The following TJP1 variants were observed in gnomAD, a reference collection of about 807,000 sequenced individuals.
TJP1 encodes tight junction protein 1.
A neutral mutation model predicts 194.2 loss-of-function variants in TJP1; 43 were observed. The observed-to-expected ratio is 0.22, with a 90% CI of 0.17 to 0.29. TJP1 has a LOEUF of 0.29. Ranked by LOEUF, TJP1 falls within the 10% of genes least tolerant of loss-of-function variation. The pLI is 1.00. For synonymous variants in TJP1, 801 were observed against 779.0 expected (o/e 1.03, Z -0.47); for missense variants, 1,971 against 2,185.7 (o/e 0.90, Z 1.96).
chr15:29,755,489 A>G (rs764351046), intron 8 of TJP1, among the ~76,000 whole-genome samples: 4 of 152,186 alleles, frequency 2.6e-5, no homozygotes, highest in East Asian at 1.9e-4. Flanking sequence ...AGAAAATTCA[A>G]TTTTACTGTC....
At chr15:29,954,821 C>T (rs1464217691) in intron 2 of TJP1, among the ~76,000 whole-genome samples, 3 of 152,170 alleles carry the variant, frequency 2.0e-5, no homozygotes, top group African/African-American at 7.2e-5. Flanking sequence ...TGGCTCACGC[C>T]TGTAATCCCA....
rs2043603241 is a variant in TJP1, at chr15:29,730,955, G to A, written c.2017+1478C>T. On this transcript the variant is annotated intron_variant, in intron 15 of 27. Coordinates refer to ENST00000614355, the MANE Select transcript of TJP1 (RefSeq NM_001330239.4). ...GAGATGCCAAAACAGACCAGGCACAGAAAGCTGAAGGTGCTGGAGATGCCA... is the reference window on the plus strand; with the variant it reads ...GAGATGCCAAAACAGACCAGGCACAAAAAGCTGAAGGTGCTGGAGATGCCA... 3 of 1,287,764 alleles carry A rather than the reference G, an allele frequency of 2.3e-6. No individual in the cohort carries two copies. The Admixed American group carries it at 5.0e-5, about 22-fold the overall frequency. 79.8% of individuals were successfully genotyped at this position (1,287,764 alleles called of 1,614,324 possible). A position where few individuals can be genotyped will look rare whatever the true frequency, so the allele number is the denominator to read the frequency against.
chr15:29,717,546 C>CA (rs2042640561), intron 22 of TJP1, among the ~76,000 whole-genome samples: 1 of 152,090 alleles, frequency 6.6e-6, no homozygotes, highest in Non-Finnish European at 1.5e-5. Context: ...CTCTCAGCCT[C>CA]AGTGTCTCTC....
intron 10 of TJP1, 175 bp downstream of exon 10, chr15:29,741,156 T>C: frequency 2.0e-6 from 1 of 507,830 alleles, no homozygotes; most frequent in Non-Finnish European, 3.4e-6. Context: ...TGTTGTCTAA[T>C]TTCTAACTCA....
At chr15:29,794,848 A>G (rs1015945926) in intron 2 of TJP1, among the ~76,000 whole-genome samples, 23 of 152,166 alleles carry the variant, frequency 1.5e-4, no homozygotes, top group African/African-American at 5.1e-4. Context: ...CAAGGTAAAC[A>G]AAAGGATGAA....
At chr15:29,783,285 AC>A (rs1181901806) in intron 2 of TJP1, among the ~76,000 whole-genome samples, 1 of 152,168 alleles carries the variant, frequency 6.6e-6, no homozygotes, top group Non-Finnish European at 1.5e-5. Context: ...AAAGAAACAA[AC>A]AAAAACACAA....
At chr15:29,806,651 G>C (rs1224283089) in intron 1 of TJP1, among the ~76,000 whole-genome samples, 1 of 152,134 alleles carries the variant, frequency 6.6e-6, no homozygotes, top group Admixed American at 6.6e-5. Flanking sequence ...ATCATCTATG[G>C]AGATGAGGTT....
chr15:29,782,753 C>T (rs1027173274), intron 2 of TJP1, among the ~76,000 whole-genome samples: 1 of 151,942 alleles, frequency 6.6e-6, no homozygotes, highest in Non-Finnish European at 1.5e-5. Flanking sequence ...AAAGAGTAAA[C>T]AGACAACCTA....
In TJP1 at chr15:29,706,711, A is replaced by C. The variant is rs554387306; in HGVS notation, c.4851-966T>G. On this transcript the variant is annotated intron_variant, in intron 25 of 27. Coordinates refer to ENST00000614355, the MANE Select transcript of TJP1 (RefSeq NM_001330239.4). Reference sequence around the variant, plus strand: ...AGTGTCTTGCTGTCACCCAGGCTAGAGTACAGCGGTGCAATCTTGGCTCAC... The same window carrying C: ...AGTGTCTTGCTGTCACCCAGGCTAGCGTACAGCGGTGCAATCTTGGCTCAC... Among the ~76,000 whole-genome samples the C allele has an allele frequency of 3.9e-5, 6 of 152,186 alleles. No homozygotes were observed. The South Asian group carries it at 1.2e-3, about 32-fold the overall frequency.
Position 29,796,280 on chromosome 15 carries a change from C to T in TJP1, c.84+4366G>A, listed in dbSNP as rs138690351. On this transcript the variant is annotated intron_variant, in intron 2 of 27. Transcript: ENST00000614355. ...ATGACTGCCTACACATAGGAAAACA[C>T]CCAGGAATCTAAACAAGAAAGTTCC... 8.6e-4 allele frequency among the ~76,000 whole-genome samples: 130 copies of T among 151,234 alleles called. 1 individual carries two copies. Among genetic ancestry groups the T allele is most frequent in the Middle Eastern group, 3.4e-3 (1 of 290 alleles).
At chr15:29,839,716 A>T (rs1437385269) in intron 2 of TJP1, among the ~76,000 whole-genome samples, 1 of 152,242 alleles carries the variant, frequency 6.6e-6, no homozygotes, top group African/African-American at 2.4e-5. Context: ...TTCCTGTACA[A>T]ATCCCCATGT....
rs569305505 is a variant in TJP1, at chr15:29,851,669, G to A, written c.307-50967C>T. On this transcript the variant is annotated intron_variant, in intron 2 of 28. Coordinates refer to the TJP1 transcript ENST00000356107. ...AAACAATTTTGAAAAAAATAAAATG[G>A]AAGAAATCAGTCTTCTGGATTTCAG... Among the ~76,000 whole-genome samples the A allele has an allele frequency of 2.0e-5, 3 of 152,216 alleles. No homozygotes were observed. In the South Asian group the frequency reaches 6.2e-4, roughly 32 times the overall value.
intron 2 of TJP1, among the ~76,000 whole-genome samples, chr15:29,829,637 G>A (rs72719085): frequency 4.5e-3 from 624 of 137,150 alleles, no homozygotes; most frequent in Non-Finnish European, 4.8e-3. Context: ...TTAAAAAAAA[G>A]AAAAAAAAAA....
At chr15:29,900,666 C>A (rs1319502255) in intron 2 of TJP1, among the ~76,000 whole-genome samples, 2 of 152,136 alleles carry the variant, frequency 1.3e-5, no homozygotes, top group Non-Finnish European at 1.5e-5. Context: ...TGTTTCTGAC[C>A]CCGAGGACTA....
At chr15:29,830,766 T>C (rs551196185) in intron 2 of TJP1, among the ~76,000 whole-genome samples, 12 of 152,266 alleles carry the variant, frequency 7.9e-5, no homozygotes, top group African/African-American at 2.9e-4. Flanking sequence ...GTACTCCTAA[T>C]GTCCGTATTG....
intron 8 of TJP1, among the ~76,000 whole-genome samples, chr15:29,753,735 G>A (rs896605703): frequency 1.3e-5 from 2 of 149,982 alleles, no homozygotes; most frequent in African/African-American, 2.5e-5. Context: ...TCACTGATTC[G>A]ACTCGCTGAT....
chr15:29,766,232 T>C lies in TJP1; in HGVS notation c.589+34A>G, dbSNP rs560273574. The C allele has an allele frequency of 2.9e-5, 46 of 1,583,886 alleles. No homozygotes were observed. The South Asian group carries it at 4.7e-4, about 16-fold the overall frequency. On this transcript the variant is annotated intron_variant, in intron 5 of 27. Transcript: ENST00000614355. The stretch of plus-strand genomic sequence containing the variant: ...CATTAAAATTAGTTTTAAATTTTCA[T>C]GTGAAAAAAACAGCAAGAGTTGGCA...
chr15:29,816,366 T>C (rs549375833), intron 1 of TJP1, among the ~76,000 whole-genome samples: 18 of 152,246 alleles, frequency 1.2e-4, no homozygotes, highest in African/African-American at 4.3e-4. Flanking sequence ...TGCCAATATA[T>C]AACCTGGGGG....
intron 2 of TJP1, among the ~76,000 whole-genome samples, chr15:29,851,290 G>A (rs571864103): frequency 6.6e-4 from 101 of 152,072 alleles, no homozygotes; most frequent in African/African-American, 2.4e-3. Context: ...ACTAAAATAA[G>A]GGATATCACT....
Sources: allele counts gnomAD v4.1 joint callset (sites outside exome capture counted in the v4.1 genomes callset), GRCh38; gene constraint gnomAD v4.1.1; transcripts MANE v1.5; gene names NCBI Gene and HGNC (gene_info 2026-07-23, HGNC 2026-07-21).